The following TAFA2 variants were observed in gnomAD, a reference collection of about 807,000 sequenced individuals.
The protein encoded by TAFA2 is TAFA chemokine like family member 2, also known as chemokine-like protein TAFA-2.
Under a neutral mutation model 18.8 loss-of-function variants are expected in TAFA2, and 7 were observed. That is an observed-to-expected ratio of 0.37 (90% CI 0.21 to 0.70). The LOEUF (loss-of-function observed/expected upper bound fraction) is 0.70, where lower values mean the gene tolerates loss of function less well. TAFA2 is among the 30% of genes least tolerant of loss of function. The probability of loss-of-function intolerance (pLI) is 0.53; values close to 1 mark genes in which losing one functional copy is unlikely to be tolerated. For synonymous variants in TAFA2, 60 were observed against 54.2 expected, an observed-to-expected ratio of 1.11 and a Z score of -0.47; for missense variants, 122 against 158.1, an observed-to-expected ratio of 0.77 and a Z score of 1.23.
rs186384788 is a variant in TAFA2 at position 62,081,776 on chromosome 12, C to T, written c.-2+109483G>A. Among the ~76,000 whole-genome samples the T allele has an allele frequency of 9.2e-5, 14 of 152,244 alleles. No homozygotes were observed. In the South Asian group the frequency reaches 1.7e-3, roughly 18 times the overall value. On this transcript the variant is annotated intron_variant, in intron 1 of 4. Transcript: ENST00000416284. ...CTGTGATTACAGGCATGAGCCACCG[C>T]GCCCAACCTCTTCAACTTGTATTTT...
At chr12:61,739,854 G>A (rs1216691394) in intron 4 of TAFA2, among the ~76,000 whole-genome samples, 1 of 151,980 alleles carries the variant, frequency 6.6e-6, no homozygotes, top group Non-Finnish European at 1.5e-5. Context: ...TAGTTGTTTA[G>A]ATTATCCTGA....
chr12:61,932,128 GA>G (rs1188413124), intron 1 of TAFA2, among the ~76,000 whole-genome samples: 1 of 152,094 alleles, frequency 6.6e-6, no homozygotes, highest in African/African-American at 2.4e-5. Flanking sequence ...ATTCATAAAT[GA>G]AAAGCAGCCA....
chr12:61,991,394 G>A (rs1288729455), intron 1 of TAFA2, among the ~76,000 whole-genome samples: 1 of 152,152 alleles, frequency 6.6e-6, no homozygotes, highest in African/African-American at 2.4e-5. Context: ...TCAATTCAGT[G>A]AATGTTACTA....
chr12:61,829,599 A>T (rs1467123575), intron 2 of TAFA2, among the ~76,000 whole-genome samples: 1 of 151,698 alleles, frequency 6.6e-6, no homozygotes, highest in South Asian at 2.1e-4. Context: ...ACAGCCAAAA[A>T]GTTAAATATA....
intron 2 of TAFA2, among the ~76,000 whole-genome samples, chr12:61,809,161 G>T (rs913302294): frequency 1.3e-5 from 2 of 151,402 alleles, no homozygotes; most frequent in Non-Finnish European, 2.9e-5. Context: ...GAAAGCATAG[G>T]GTTCAACGTG....
intron 2 of TAFA2, among the ~76,000 whole-genome samples, chr12:61,829,534 A>G (rs1235853483): frequency 6.6e-6 from 1 of 151,750 alleles, no homozygotes; most frequent in African/African-American, 2.4e-5. Flanking sequence ...AAATGCCACA[A>G]TAATTTATAT....
chr12:61,929,705 T>C (rs969249307), intron 1 of TAFA2, among the ~76,000 whole-genome samples: 13 of 151,978 alleles, frequency 8.6e-5, no homozygotes, highest in East Asian at 5.8e-4. Context: ...CACATGCACA[T>C]GTATGTTTAT....
chr12:62,023,445 A>C (rs1881212559), intron 1 of TAFA2, among the ~76,000 whole-genome samples: 1 of 152,074 alleles, frequency 6.6e-6, no homozygotes, highest in Admixed American at 6.5e-5. Context: ...AGGATATACT[A>C]TGCTTTACAG....
intron 1 of TAFA2, among the ~76,000 whole-genome samples, chr12:62,161,867 T>C (rs1219772545): frequency 2.0e-5 from 3 of 152,146 alleles, no homozygotes; most frequent in African/African-American, 7.2e-5. Context: ...GGGTCTTTAT[T>C]TAGAAATTTG....
At chr12:62,152,389 C>T (rs1247008910) in intron 1 of TAFA2, among the ~76,000 whole-genome samples, 1 of 152,100 alleles carries the variant, frequency 6.6e-6, no homozygotes, top group East Asian at 1.9e-4. Flanking sequence ...TTCACTAGAC[C>T]CAAATGACAC....
intron 2 of TAFA2, among the ~76,000 whole-genome samples, chr12:61,843,212 A>G (rs1347239737): frequency 6.6e-6 from 1 of 152,118 alleles, no homozygotes; most frequent in Admixed American, 6.6e-5. Flanking sequence ...TCCTTTCTAT[A>G]TAAAACTAGA....
intron 1 of TAFA2, among the ~76,000 whole-genome samples, chr12:61,918,513 T>A (rs1876921070): frequency 6.6e-6 from 1 of 152,178 alleles, no homozygotes; most frequent in Non-Finnish European, 1.5e-5. Context: ...GACTGAATGG[T>A]ACTCCATTGT....
chr12:61,910,100 TTGTGTGTG>T (rs71083963), intron 1 of TAFA2, among the ~76,000 whole-genome samples: 42,482 of 144,482 alleles, frequency 0.29, 6,245 homozygotes, highest in East Asian at 0.36. Flanking sequence ...GTGTGTGTGT[TTGTGTGTG>T]TGTGTGTGTG....
chr12:61,816,327 A>T lies in TAFA2; in HGVS notation c.106+50993T>A, dbSNP rs575375551. Among the ~76,000 whole-genome samples, 33 of 151,472 alleles carry T rather than the reference A, an allele frequency of 2.2e-4. No individual in the cohort carries two copies. In the South Asian group the frequency reaches 6.4e-3, roughly 30 times the overall value. ...GCTAAGGATAATAGACTCCAGCTCC[A>T]TCCATGTTCCTGCAAAAGACATGAT... On this transcript the variant is annotated intron_variant, in intron 2 of 4. Coordinates refer to ENST00000416284, the MANE Select transcript of TAFA2 (RefSeq NM_178539.5).
At chr12:61,822,557 T>G (rs1466921079) in intron 2 of TAFA2, among the ~76,000 whole-genome samples, 1 of 152,188 alleles carries the variant, frequency 6.6e-6, no homozygotes, top group Non-Finnish European at 1.5e-5. Flanking sequence ...TCATTCACTG[T>G]GCACCTTCCT....
chr12:62,166,228 A>G (rs978369427), intron 1 of TAFA2, among the ~76,000 whole-genome samples: 1 of 152,150 alleles, frequency 6.6e-6, no homozygotes, highest in Non-Finnish European at 1.5e-5. Context: ...ACTAGTTCTC[A>G]CCTATAAGAT....
intron 1 of TAFA2, among the ~76,000 whole-genome samples, chr12:61,929,148 AAAGTAT>A (rs1877439474): frequency 6.6e-6 from 1 of 151,286 alleles, no homozygotes; most frequent in African/African-American, 2.5e-5. Context: ...CCCCAAACTT[AAAGTAT>A]AATTTAAAAA....
At chr12:62,134,800 C>T (rs1012436263) in intron 1 of TAFA2, among the ~76,000 whole-genome samples, 12 of 151,372 alleles carry the variant, frequency 7.9e-5, no homozygotes, top group East Asian at 2.0e-4. Context: ...TAACTTCATA[C>T]TCCTCAATCT....
At chr12:61,943,598 G>T (rs1878133434) in intron 1 of TAFA2, among the ~76,000 whole-genome samples, 1 of 151,182 alleles carries the variant, frequency 6.6e-6, no homozygotes, top group African/African-American at 2.4e-5. Flanking sequence ...AAAATAAAAG[G>T]ATGGAGGAAG....
Sources: allele counts gnomAD v4.1 joint callset (sites outside exome capture counted in the v4.1 genomes callset), GRCh38; gene constraint gnomAD v4.1.1; transcripts MANE v1.5; gene names NCBI Gene and HGNC (gene_info 2026-07-23, HGNC 2026-07-21).